The following OTUD7A variants were observed in gnomAD, a reference collection of about 807,000 sequenced individuals.
OTUD7A encodes the protein OTU deubiquitinase 7A, also known as OTU domain-containing protein 7A.
In OTUD7A, 12 loss-of-function variants were observed where a neutral mutation model predicts 65.7. The observed-to-expected ratio is 0.18, with a 90% confidence interval of 0.12 to 0.30. The LOEUF is 0.30. Ranked by LOEUF, OTUD7A falls within the 10% of genes least tolerant of loss-of-function variation. The pLI, the probability that OTUD7A is intolerant of heterozygous loss-of-function variation, is 1.00. For missense variants in OTUD7A, 1,148 were observed against 1,304.8 expected, an observed-to-expected ratio of 0.88 and a Z score of 1.85; for synonymous variants, 641 against 586.3, an observed-to-expected ratio of 1.09 and a Z score of -1.35.
At chr15:31,659,033 G>A (rs148165097) in intron 1 of OTUD7A, among the ~76,000 whole-genome samples, 2 of 113,786 alleles carry the variant, frequency 1.8e-5, no homozygotes, top group Non-Finnish European at 3.5e-5. Context: ...ATGAATGAAT[G>A]AATGAATGAA....
chr15:31,588,560 A>T (rs1376866878), intron 3 of OTUD7A, among the ~76,000 whole-genome samples: 1 of 152,184 alleles, frequency 6.6e-6, no homozygotes, highest in Non-Finnish European at 1.5e-5. Context: ...CCACCTCAAT[A>T]TTTAACAGAA....
chr15:31,791,923 A>G (rs1000329898), intron 1 of OTUD7A, among the ~76,000 whole-genome samples: 2 of 152,030 alleles, frequency 1.3e-5, no homozygotes, highest in African/African-American at 2.4e-5. Flanking sequence ...AAGGCTCTAA[A>G]TAGCACCTGG....
rs1360087831 is a variant in OTUD7A at position 31,483,705 on chromosome 15, C to A, written c.2391G>T (p.Ala797=). 3.1e-4 allele frequency: 360 copies of A among 1,149,678 alleles called. No individual in the cohort carries two copies. Among genetic ancestry groups the A allele is most frequent in the Non-Finnish European group, 3.7e-4 (345 of 936,998 alleles). The allele number at this position is 1,149,678 out of a possible 1,614,324, so 71.2% of individuals were successfully genotyped here. A position where few individuals can be genotyped will look rare whatever the true frequency, so the allele number is the denominator to read the frequency against. The change falls in exon 13 of 13, where the codon GCG becomes GCT. Residue 797 remains alanine, a synonymous_variant. Coordinates refer to ENST00000307050, the MANE Select transcript of OTUD7A (RefSeq NM_001382637.1). ...GCGGGTACGTGGCGCACGGCCGCAG[C>A]GCCCCCACGGCCGGCGCGCACGCCT... ...RDEACAPAVG[A]LRPCATYPQQ... is the part of the protein sequence containing the mutation.
intron 1 of OTUD7A, among the ~76,000 whole-genome samples, chr15:31,825,447 G>C (rs1338976200): frequency 6.6e-6 from 1 of 152,180 alleles, no homozygotes; most frequent in Non-Finnish European, 1.5e-5. Context: ...CATGAGAACA[G>C]TATGGGGGAA....
chr15:31,799,516 T>C (rs1896063335), intron 1 of OTUD7A, among the ~76,000 whole-genome samples: 1 of 152,050 alleles, frequency 6.6e-6, no homozygotes, highest in Non-Finnish European at 1.5e-5. Flanking sequence ...TTAGTGCTCT[T>C]ATAAGAAGAG....
intron 1 of OTUD7A, among the ~76,000 whole-genome samples, chr15:31,787,084 C>T (rs76816695): frequency 0.04 from 6,059 of 152,218 alleles, 412 homozygotes; most frequent in African/African-American, 0.14. Context: ...TGGCCACAGA[C>T]GAGGCTGTTT....
At chr15:31,595,405 C>T (rs925740268) in intron 3 of OTUD7A, among the ~76,000 whole-genome samples, 1 of 152,210 alleles carries the variant, frequency 6.6e-6, no homozygotes, top group African/African-American at 2.4e-5. Flanking sequence ...GGGTTTTATT[C>T]TCTTTTATGT....
intron 4 of OTUD7A, among the ~76,000 whole-genome samples, chr15:31,564,531 T>C (rs1486161525): frequency 6.6e-6 from 1 of 152,064 alleles, no homozygotes; most frequent in East Asian, 1.9e-4. Flanking sequence ...TAAAATCATA[T>C]TAATACATGT....
At chr15:31,768,824 A>G (rs1895157026) in intron 1 of OTUD7A, among the ~76,000 whole-genome samples, 1 of 152,228 alleles carries the variant, frequency 6.6e-6, no homozygotes, top group African/African-American at 2.4e-5. Context: ...ACTGTGAAAA[A>G]ATAAGTATGA....
intron 1 of OTUD7A, chr15:31,765,821 T>TA: frequency 1.5e-6 from 2 of 1,349,530 alleles, no homozygotes; most frequent in Non-Finnish European, 2.1e-6. Context: ...CACCAAAAAG[T>TA]GCTGCTTCAC....
chr15:31,614,319 ATGAC>A (rs1890522445), intron 3 of OTUD7A, among the ~76,000 whole-genome samples: 1 of 151,918 alleles, frequency 6.6e-6, no homozygotes, highest in Non-Finnish European at 1.5e-5. Context: ...AAAAAAGACA[ATGAC>A]TGAGAATTTT....
At chr15:31,850,600 C>T (rs1286439921) in intron 1 of OTUD7A, among the ~76,000 whole-genome samples, 1 of 152,062 alleles carries the variant, frequency 6.6e-6, no homozygotes, top group Non-Finnish European at 1.5e-5. Context: ...AATAGGCCTG[C>T]AGGCTCTCTG....
chr15:31,781,703 T>A (rs1895544443), intron 1 of OTUD7A, among the ~76,000 whole-genome samples: 1 of 152,182 alleles, frequency 6.6e-6, no homozygotes, highest in Non-Finnish European at 1.5e-5. Context: ...GGATGCCATC[T>A]CTGCTCGAGC....
chr15:31,685,917 CT>C (rs1028414092), intron 1 of OTUD7A, among the ~76,000 whole-genome samples: 10 of 152,350 alleles, frequency 6.6e-5, no homozygotes, highest in African/African-American at 2.4e-4. Context: ...GGCACAATGT[CT>C]GTGTGGATCG....
chr15:31,779,327 T>C (rs575104161), intron 1 of OTUD7A, among the ~76,000 whole-genome samples: 9 of 152,340 alleles, frequency 5.9e-5, no homozygotes, highest in African/African-American at 2.2e-4. Flanking sequence ...ATCTGAAAAG[T>C]ACGCTTCACT....
chr15:31,704,522 C>T (rs1028762807), intron 1 of OTUD7A, among the ~76,000 whole-genome samples: 2 of 149,172 alleles, frequency 1.3e-5, no homozygotes, highest in Admixed American at 6.7e-5. Flanking sequence ...TTGTTACAGT[C>T]ACTCATAGCA....
At chr15:31,832,760 G>A (rs1297927043) in intron 1 of OTUD7A, among the ~76,000 whole-genome samples, 1 of 152,178 alleles carries the variant, frequency 6.6e-6, no homozygotes, top group Non-Finnish European at 1.5e-5. Flanking sequence ...CATGCATGTT[G>A]TAGCATATGT....
intron 1 of OTUD7A, among the ~76,000 whole-genome samples, chr15:31,797,794 G>A (rs1055696998): frequency 5.9e-5 from 9 of 152,200 alleles, no homozygotes; most frequent in East Asian, 5.8e-4. Flanking sequence ...CTGCTTCTCC[G>A]GTGCTGGGAG....
At chr15:31,608,613 G>GT (rs984986460) in intron 3 of OTUD7A, among the ~76,000 whole-genome samples, 38 of 152,206 alleles carry the variant, frequency 2.5e-4, no homozygotes, top group Non-Finnish European at 4.4e-5. Context: ...CAAAAATACT[G>GT]TAAGTGCCTA....
Sources: allele counts gnomAD v4.1 joint callset (sites outside exome capture counted in the v4.1 genomes callset), GRCh38; gene constraint gnomAD v4.1.1; transcripts MANE v1.5; gene names NCBI Gene and HGNC (gene_info 2026-07-23, HGNC 2026-07-21).